Variants in EYA4 observed in about 807,000 individuals in gnomAD.
The protein encoded by EYA4 is protein phosphatase EYA4.
A neutral mutation model predicts 87.9 loss-of-function variants in EYA4; 31 were observed. The ratio of observed to expected loss-of-function variants is 0.35; its 90% CI spans 0.27 to 0.48. The LOEUF (loss-of-function observed/expected upper bound fraction) is 0.48. Ranked by LOEUF, EYA4 falls within the 20% of genes least tolerant of loss-of-function variation. The pLI, the probability that EYA4 is intolerant of heterozygous loss-of-function variation, is 0.99. For synonymous variants in EYA4, 263 were observed against 270.6 expected (o/e 0.97, Z 0.28); for missense variants, 678 against 761.4 (o/e 0.89, Z 1.29).
Position 133,523,147 on chromosome 6 carries a change from A to G in EYA4, c.1708A>G (p.Ile570Val). 1 of 1,612,340 alleles carries G rather than the reference A, an allele frequency of 6.2e-7. No homozygotes were observed. Among genetic ancestry groups the G allele is most frequent in the East Asian group, 2.2e-5 (1 of 44,810 alleles). ...LLYSLGGAFP[I>V]ENIYSATKIG... ...CTATAGTTTAGGAGGTGCTTTCCCC[A>G]TTGAGAATATTTACAGTGCAACTAA... The change falls in exon 18 of 20, where the codon ATT becomes GTT. Residue 570 changes from isoleucine (I) to valine (V), a missense_variant. By Grantham distance (29) the Ile-to-Val change is conservative. Coordinates refer to ENST00000355286, the MANE Select transcript of EYA4 (RefSeq NM_004100.5).
chr6:133,457,604 T>C (rs1794019420), intron 6 of EYA4, among the ~76,000 whole-genome samples: 1 of 152,144 alleles, frequency 6.6e-6, no homozygotes, highest in Admixed American at 6.6e-5. Context: ...TCACACCGAT[T>C]AGAAGCAGTT....
At chr6:133,405,778 G>A (rs1193159528) in intron 3 of EYA4, among the ~76,000 whole-genome samples, 1 of 152,008 alleles carries the variant, frequency 6.6e-6, no homozygotes, top group Non-Finnish European at 1.5e-5. Flanking sequence ...AGAAGAGAGA[G>A]AATGAATGGG....
At chr6:133,389,801 C>A (rs2128492825) in intron 3 of EYA4, among the ~76,000 whole-genome samples, 1 of 152,148 alleles carries the variant, frequency 6.6e-6, no homozygotes, top group South Asian at 2.1e-4. Context: ...TCAGCTATAG[C>A]CCCCCCAATT....
intron 3 of EYA4, among the ~76,000 whole-genome samples, chr6:133,429,262 G>A (rs1203035489): frequency 6.6e-6 from 1 of 152,080 alleles, no homozygotes; most frequent in Non-Finnish European, 1.5e-5. Flanking sequence ...CTTTGCTGGT[G>A]AGAGGTGAAT....
chr6:133,292,418 A>T (rs1194364406), intron 2 of EYA4, among the ~76,000 whole-genome samples: 3 of 152,144 alleles, frequency 2.0e-5, no homozygotes, highest in Non-Finnish European at 4.4e-5. Flanking sequence ...TTATATGTAC[A>T]TTGTTTTAAT....
intron 14 of EYA4, chr6:133,510,494 A>C (rs904135938): frequency 1.2e-5 from 4 of 336,950 alleles, no homozygotes; most frequent in South Asian, 1.2e-4. Flanking sequence ...TTTATTTCCA[A>C]CCCTTATGCT....
At chr6:133,456,899 A>G (rs1402449558) in intron 6 of EYA4, among the ~76,000 whole-genome samples, 2 of 152,158 alleles carry the variant, frequency 1.3e-5, no homozygotes, top group East Asian at 3.8e-4. Context: ...GGATAAGTAA[A>G]CTTAACTTCC....
chr6:133,250,172 C>A (rs9402494), intron 1 of EYA4, among the ~76,000 whole-genome samples: 21,660 of 152,084 alleles, frequency 0.14, 1,977 homozygotes, highest in Non-Finnish European at 0.2. Context: ...AGCTGTGAAT[C>A]CAGGCTTAGG....
At chr6:133,342,605 A>ATATATATTATATATATATATATATATATC (rs1485897156) in intron 2 of EYA4, among the ~76,000 whole-genome samples, 1 of 130,440 alleles carries the variant, frequency 7.7e-6, no homozygotes, top group Non-Finnish European at 1.6e-5. Flanking sequence ...ATATATATAT[A>ATATATATTATATATATATATATATATATC]ATTCTTTATA....
intron 14 of EYA4, among the ~76,000 whole-genome samples, chr6:133,508,300 C>T (rs1439615430): frequency 6.6e-6 from 1 of 151,932 alleles, no homozygotes; most frequent in African/African-American, 2.4e-5. Flanking sequence ...CTCTCTAAAA[C>T]CTGATTTAAA....
chr6:133,268,538 AG>A, intron 1 of EYA4, among the ~76,000 whole-genome samples: 1 of 152,284 alleles, frequency 6.6e-6, no homozygotes, highest in South Asian at 2.1e-4. Context: ...CTGGGAGAAT[AG>A]AGGGATTGAC....
intron 13 of EYA4, among the ~76,000 whole-genome samples, chr6:133,487,514 T>A (rs935522446): frequency 6.6e-5 from 10 of 152,144 alleles, no homozygotes; most frequent in Admixed American, 3.9e-4. Context: ...AAAGAGGAAT[T>A]TGCCTTGCAA....
chr6:133,403,459 A>T (rs1562379575), intron 3 of EYA4, among the ~76,000 whole-genome samples: 1 of 152,204 alleles, frequency 6.6e-6, no homozygotes, highest in Non-Finnish European at 1.5e-5. Context: ...TTTTGCTCTA[A>T]ATGCCTGCTT....
At chr6:133,305,390 A>G (rs1335095965) in intron 2 of EYA4, among the ~76,000 whole-genome samples, 1 of 152,168 alleles carries the variant, frequency 6.6e-6, no homozygotes. Context: ...AAGACCGGTT[A>G]CAAGGCCAGT....
chr6:133,446,868 AT>A, intron 4 of EYA4, 114 bp downstream of exon 4: 1 of 1,047,368 alleles, frequency 9.5e-7, no homozygotes, highest in Non-Finnish European at 1.4e-6. Context: ...ACAAATCAGC[AT>A]TATATCCAAG....
At chr6:133,434,720 T>A (rs949376408) in intron 3 of EYA4, among the ~76,000 whole-genome samples, 1 of 152,224 alleles carries the variant, frequency 6.6e-6, no homozygotes, top group African/African-American at 2.4e-5. Flanking sequence ...ACCACCTTTT[T>A]TTTGTACATT....
Position 133,385,391 on chromosome 6 carries a change from CTGTGTGTGTGTGTG to C in EYA4, c.83+2987_83+3000del, listed in dbSNP as rs66881281. Among the ~76,000 whole-genome samples, 440 of 115,348 alleles carry C rather than the reference CTGTGTGTGTGTGTG, an allele frequency of 3.8e-3. 5 individuals carry two copies. The highest frequency in any genetic ancestry group is 0.013 in the African/African-American group (387 of 28,948). 75.7% of individuals were successfully genotyped at this position (115,348 alleles called of 152,430 possible). On this transcript the variant is annotated intron_variant, in intron 3 of 19. Transcript: ENST00000355286. Reference sequence around the variant, plus strand: ...CTCTGTGTGTGTATGTATGCTCTCTCTGTGTGTGTGTGTGTGTGTGTGTGTGTGTGTGTGTGTGT... The same window carrying C: ...CTCTGTGTGTGTATGTATGCTCTCTCTGTGTGTGTGTGTGTGTGTGTGTGT...
chr6:133,339,655 C>A (rs756087299), intron 2 of EYA4, among the ~76,000 whole-genome samples: 2 of 152,022 alleles, frequency 1.3e-5, no homozygotes, highest in African/African-American at 2.4e-5. Flanking sequence ...CCAGAAAGGG[C>A]CTGTGGTAAG....
At chr6:133,247,301 T>C (rs1322818656) in intron 1 of EYA4, 2 of 152,220 alleles carry the variant, frequency 1.3e-5, no homozygotes, top group Non-Finnish European at 2.9e-5. Flanking sequence ...TATGACCAGA[T>C]CTTTTAAATA....
Sources: allele counts gnomAD v4.1 joint callset (sites outside exome capture counted in the v4.1 genomes callset), GRCh38; gene constraint gnomAD v4.1.1; transcripts MANE v1.5; gene names NCBI Gene and HGNC (gene_info 2026-07-23, HGNC 2026-07-21).